SCMH1: variants seen among roughly 807,000 people sequenced by gnomAD.
SCMH1 encodes Scm polycomb group protein homolog 1.
Under a neutral mutation model 70.8 loss-of-function variants are expected in SCMH1, and 37 were observed. The ratio of observed to expected loss-of-function variants is 0.52; its 90% CI spans 0.40 to 0.69. The LOEUF is 0.69. Ranked by LOEUF, SCMH1 falls within the 30% of genes least tolerant of loss-of-function variation. The pLI, the probability that SCMH1 is intolerant of heterozygous loss-of-function variation, is 0.00. For synonymous variants in SCMH1, 292 were observed against 307.4 expected, an observed-to-expected ratio of 0.95 and a Z score of 0.52; for missense variants, 607 against 827.3, an observed-to-expected ratio of 0.73 and a Z score of 3.27.
At chr1:41,185,902 G>T in intron 2 of SCMH1, 2 of 334,760 alleles carry the variant, frequency 6.0e-6, no homozygotes, top group Non-Finnish European at 1.1e-5. Flanking sequence ...TGGAATTACA[G>T]GCATGAGCCA....
At chr1:41,232,789 T>A (rs1661562852) in intron 1 of SCMH1, among the ~76,000 whole-genome samples, 1 of 152,234 alleles carries the variant, frequency 6.6e-6, no homozygotes, top group African/African-American at 2.4e-5. Flanking sequence ...CTGCTTTAAA[T>A]ACATTTTGGA....
chr1:41,091,702 T>TC (rs1663569979), intron 8 of SCMH1, among the ~76,000 whole-genome samples: 1 of 152,142 alleles, frequency 6.6e-6, no homozygotes, highest in Admixed American at 6.5e-5. Context: ...GGATACAAAA[T>TC]CACAAGCATT....
chr1:41,182,542 C>A (rs1354422764), intron 2 of SCMH1, among the ~76,000 whole-genome samples: 3 of 151,960 alleles, frequency 2.0e-5, no homozygotes, highest in African/African-American at 7.3e-5. Context: ...CACAGTGAGA[C>A]CTCGTCTCTA....
At chr1:41,092,826 C>T (rs1020205962) in intron 8 of SCMH1, among the ~76,000 whole-genome samples, 12 of 152,114 alleles carry the variant, frequency 7.9e-5, no homozygotes, top group Non-Finnish European at 2.9e-5. Flanking sequence ...CAATGAGATA[C>T]CATCTCACAC....
intron 10 of SCMH1, among the ~76,000 whole-genome samples, chr1:41,056,870 A>G (rs1650498573): frequency 6.6e-6 from 1 of 152,080 alleles, no homozygotes; most frequent in Non-Finnish European, 1.5e-5. Flanking sequence ...AGAGAAAAAT[A>G]CCCTCATGCT....
intron 8 of SCMH1, among the ~76,000 whole-genome samples, chr1:41,104,784 T>C (rs1667463612): frequency 6.6e-6 from 1 of 152,030 alleles, no homozygotes; most frequent in African/African-American, 2.4e-5. Flanking sequence ...TGTGGCTTAT[T>C]AGGAAAAAAA....
intron 6 of SCMH1, among the ~76,000 whole-genome samples, chr1:41,135,260 T>G (rs995151806): frequency 6.6e-6 from 1 of 152,088 alleles, no homozygotes; most frequent in African/African-American, 2.4e-5. Context: ...TTCAGTACAA[T>G]AGCCACTAGC....
intron 1 of SCMH1, among the ~76,000 whole-genome samples, chr1:41,230,559 G>C (rs1463423854): frequency 6.6e-6 from 1 of 151,998 alleles, no homozygotes; most frequent in East Asian, 1.9e-4. Flanking sequence ...TCAGAAGGCT[G>C]AGGGAAGAGG....
At chr1:41,192,554 A>C (rs1363435576) in intron 1 of SCMH1, among the ~76,000 whole-genome samples, 11 of 151,062 alleles carry the variant, frequency 7.3e-5, no homozygotes, top group African/African-American at 2.7e-4. Flanking sequence ...GCACATAGTA[A>C]ACACTCAGTC....
At position 41,185,705 on chromosome 1, in the gene SCMH1, G is replaced by A. The variant is rs189304998; in HGVS notation, c.13+416C>T. On this transcript the variant is annotated intron_variant, in intron 2 of 14. Transcript: ENST00000337495. ...GGCTGGAGTGCAATGGTGAGATCTC[G>A]GCTTACAGCAACCTCCGCCTCCCGG... is the stretch of plus-strand genomic sequence containing the variant. 8.7e-4 allele frequency among the ~76,000 whole-genome samples: 126 copies of A among 144,856 alleles called. 1 individual carries two copies. The highest frequency in any genetic ancestry group is 2.8e-3 in the African/African-American group (108 of 39,042).
At chr1:41,030,673 C>T (rs1176464146) in intron 13 of SCMH1, among the ~76,000 whole-genome samples, 2 of 152,152 alleles carry the variant, frequency 1.3e-5, no homozygotes, top group South Asian at 4.1e-4. Flanking sequence ...CCCCTACCCC[C>T]ACACAGTACA....
chr1:41,113,515 C>T lies in SCMH1; in HGVS notation c.513G>A (p.Ser171=), dbSNP rs749827579. The T allele has an allele frequency of 6.8e-6, 11 of 1,613,084 alleles. No individual in the cohort carries two copies. In the Admixed American group the frequency reaches 1.5e-4, roughly 22 times the overall value. The change falls in exon 8 of 15, where the codon TCG becomes TCA. Residue 171 remains serine, a synonymous_variant. Coordinates refer to ENST00000337495, the Ensembl canonical transcript of SCMH1. This position sits in a 1 kb window ranked among gnomAD's most constrained non-coding sequence, Gnocchi z 4.3. ...CCATTTTGAAGAAGTTGTGGGAAGG[C>T]GATGGTGGCTCCTAGATGAGAAACA... is the stretch of plus-strand genomic sequence containing the variant.
intron 8 of SCMH1, among the ~76,000 whole-genome samples, chr1:41,107,076 T>G (rs894444043): frequency 6.6e-6 from 1 of 151,832 alleles, no homozygotes; most frequent in African/African-American, 2.4e-5. Flanking sequence ...AGAGAGAATT[T>G]TTTCTCTACC....
chr1:41,165,051 C>T (rs1235328348), intron 2 of SCMH1, among the ~76,000 whole-genome samples: 1 of 151,974 alleles, frequency 6.6e-6, no homozygotes, highest in Non-Finnish European at 1.5e-5. Flanking sequence ...TATACTCACC[C>T]CTCCCCTCCC....
chr1:41,143,396 C>CCCTA (rs1644273354), intron 5 of SCMH1, among the ~76,000 whole-genome samples: 2 of 152,078 alleles, frequency 1.3e-5, no homozygotes, highest in Admixed American at 6.5e-5. Context: ...TTCTCTAACT[C>CCCTA]CCTACCCTTC....
intron 4 of SCMH1, among the ~76,000 whole-genome samples, chr1:41,158,315 G>A (rs929493371): frequency 6.6e-6 from 1 of 152,166 alleles, no homozygotes; most frequent in Non-Finnish European, 1.5e-5. Flanking sequence ...AGAATCTAGT[G>A]AGGGACAGAG....
chr1:41,098,515 T>C (rs1166229854), intron 8 of SCMH1: 1 of 152,188 alleles, frequency 6.6e-6, no homozygotes, highest in Non-Finnish European at 1.5e-5. Flanking sequence ...TAATGGAAGT[T>C]AAATAATTTG....
At chr1:41,120,224 ATC>A (rs1243614690) in intron 6 of SCMH1, among the ~76,000 whole-genome samples, 1 of 152,166 alleles carries the variant, frequency 6.6e-6, no homozygotes, top group African/African-American at 2.4e-5. Flanking sequence ...GGGGGTTTCT[ATC>A]TCATCTGAAG....
intron 12 of SCMH1, among the ~76,000 whole-genome samples, chr1:41,038,759 TG>T (rs1645674863): frequency 1.3e-5 from 2 of 152,170 alleles, no homozygotes; most frequent in South Asian, 4.1e-4. Flanking sequence ...CTTCTGCAGA[TG>T]AGGGTTCTGT....
Sources: gnomAD v4.1 joint callset for allele counts (sites outside exome capture counted in the v4.1 genomes callset) on GRCh38, gnomAD v4.1.1 for gene constraint, Gnocchi (gnomAD v3.1) non-coding constraint, MANE v1.5 for transcripts, NCBI Gene and HGNC (gene_info 2026-07-23, HGNC 2026-07-21) for gene names.